ADCY8: variants seen among roughly 807,000 people sequenced by gnomAD.
The protein encoded by ADCY8 is adenylate cyclase 8, also known as adenylate cyclase type 8.
ADCY8 carries 51 observed loss-of-function variants against 119.7 expected under a neutral mutation model. That is an observed-to-expected ratio of 0.43 (90% CI 0.34 to 0.54). The LOEUF (loss-of-function observed/expected upper bound fraction) is 0.54. ADCY8 is among the 20% of genes least tolerant of loss of function. The pLI is 0.03. For synonymous variants in ADCY8, 665 were observed against 651.0 expected (o/e 1.02, Z -0.33); for missense variants, 1,383 against 1,598.8 (o/e 0.87, Z 2.30).
intron 8 of ADCY8, 56 bp downstream of exon 8, chr8:130,884,508 T>C (rs760852247): frequency 1.4e-4 from 218 of 1,584,186 alleles, no homozygotes; most frequent in Non-Finnish European, 1.5e-4. Context: ...TCTAGTCCCA[T>C]GAACATCTAC....
In ADCY8 at chr8:131,039,611, G is replaced by A. The variant is rs1443107309; in HGVS notation, c.723C>T (p.Tyr241=). 2 of 1,614,100 alleles carry A rather than the reference G, an allele frequency of 1.2e-6. No homozygotes were observed. Among genetic ancestry groups the A allele is most frequent in the African/African-American group, 1.3e-5 (1 of 75,060 alleles). The change falls in exon 1 of 18, where the codon TAC becomes TAT. Residue 241 remains tyrosine, a synonymous_variant. Coordinates refer to ENST00000286355, the MANE Select transcript of ADCY8 (RefSeq NM_001115.3). ...VVRKDTTSHT[Y]LQYSGVVTWV... ...AGGTGACCACGCCGCTGTACTGCAG[G>A]TACGTGTGGGAGGTGGTGTCCTTCC...
chr8:130,900,600 C>T (rs1819565170), intron 7 of ADCY8, among the ~76,000 whole-genome samples: 1 of 152,200 alleles, frequency 6.6e-6, no homozygotes, highest in Non-Finnish European at 1.5e-5. Flanking sequence ...TCTTAAAATG[C>T]CATACTCTAG....
At chr8:130,847,769 G>C (rs959315596) in intron 10 of ADCY8, among the ~76,000 whole-genome samples, 1 of 152,172 alleles carries the variant, frequency 6.6e-6, no homozygotes, top group Non-Finnish European at 1.5e-5. Flanking sequence ...AGTTTAGACT[G>C]CTCTGTTGGC....
At chr8:130,812,083 C>T (rs747521746) in intron 14 of ADCY8, among the ~76,000 whole-genome samples, 2 of 152,182 alleles carry the variant, frequency 1.3e-5, no homozygotes, top group Non-Finnish European at 2.9e-5. Context: ...ATCTTCTTCT[C>T]TCCATCTCCA....
intron 1 of ADCY8, among the ~76,000 whole-genome samples, chr8:131,037,484 T>C (rs1824193350): frequency 6.6e-6 from 1 of 152,228 alleles, no homozygotes; most frequent in Non-Finnish European, 1.5e-5. Flanking sequence ...TTCTAAATAC[T>C]ATTCCAAACT....
At chr8:130,970,371 T>C (rs1821888153) in intron 2 of ADCY8, among the ~76,000 whole-genome samples, 1 of 152,160 alleles carries the variant, frequency 6.6e-6, no homozygotes, top group Admixed American at 6.5e-5. Flanking sequence ...TGTGAGGGTG[T>C]AGGTTGCGTG....
intron 2 of ADCY8, among the ~76,000 whole-genome samples, chr8:130,972,425 A>G (rs1395982451): frequency 6.6e-6 from 1 of 152,226 alleles, no homozygotes; most frequent in Non-Finnish European, 1.5e-5. Flanking sequence ...CATACAGACA[A>G]TGAAACAGAT....
rs566465601 is a variant in ADCY8 at position 130,990,298 on chromosome 8, T to A, written c.1110+95A>T. 1.2e-5 allele frequency: 18 copies of A among 1,463,830 alleles called. No homozygotes were observed. The African/African-American group carries it at 2.5e-4, about 21-fold the overall frequency. The allele number at this position is 1,463,830 out of a possible 1,614,324, so 90.7% of individuals were successfully genotyped here. A position where few individuals can be genotyped will look rare whatever the true frequency, so the allele number is the denominator to read the frequency against. On this transcript the variant is annotated intron_variant, in intron 2 of 17. Coordinates refer to ENST00000286355, the MANE Select transcript of ADCY8 (RefSeq NM_001115.3). ...GACATAAACTTTAAGAGAACACTTT[T>A]AAGTCAGGACGTGTTTGGGAGTAAA...
chr8:130,862,983 T>C (rs1817993383), intron 9 of ADCY8, among the ~76,000 whole-genome samples: 1 of 152,238 alleles, frequency 6.6e-6, no homozygotes, highest in Non-Finnish European at 1.5e-5. Context: ...GAATAGTCTA[T>C]TAATATTGAT....
Position 130,839,735 on chromosome 8 carries a change from TA to T in ADCY8, c.2503-3287del, listed in dbSNP as rs1359286745. On this transcript the variant is annotated intron_variant, in intron 11 of 17. Transcript: ENST00000286355. ...GGCCCACAGCTCCTAAAGTGTCCCCTAAATGGATCCTGGGTATAAGGGGCTC... is the reference window on the plus strand; with the variant it reads ...GGCCCACAGCTCCTAAAGTGTCCCCTAATGGATCCTGGGTATAAGGGGCTC... Among the ~76,000 whole-genome samples the T allele has an allele frequency of 3.6e-5, 5 of 140,112 alleles. 1 individual carries two copies. The highest frequency in any genetic ancestry group is 1.2e-4 in the African/African-American group (5 of 40,896). 91.9% of individuals were successfully genotyped at this position (140,112 alleles called of 152,430 possible).
chr8:130,961,315 G>T (rs562101488), intron 2 of ADCY8, among the ~76,000 whole-genome samples: 11 of 152,072 alleles, frequency 7.2e-5, no homozygotes, highest in African/African-American at 2.4e-4. Flanking sequence ...TCATCATGCT[G>T]GCCAGGCTAG....
intron 17 of ADCY8, among the ~76,000 whole-genome samples, chr8:130,782,821 T>C (rs924054891): frequency 6.6e-6 from 1 of 152,234 alleles, no homozygotes; most frequent in Non-Finnish European, 1.5e-5. Flanking sequence ...CCTGTTTTTC[T>C]TGAAAGCTGC....
At chr8:130,925,798 C>T (rs113599795) in intron 5 of ADCY8, among the ~76,000 whole-genome samples, 6,056 of 152,288 alleles carry the variant, frequency 0.04, 145 homozygotes, top group Non-Finnish European at 0.059. Context: ...ACTCTTGGAA[C>T]TCAGCTTTGA....
At position 130,990,473 on chromosome 8, in the gene ADCY8, G is replaced by T. The variant is rs1822541244; in HGVS notation, c.1030C>A (p.Arg344=). ...AGIFISYLSD[R]AQRQAFLETR... is the part of the protein sequence containing the mutation. The stretch of plus-strand genomic sequence containing the variant: ...TCCAGGAAAGCTTGGCGCTGGGCCC[G>T]GTCTGACAGGTAACTGATGAAGATT... Residue 344 remains arginine (R), a synonymous_variant, in exon 2 of 18, where the codon CGG becomes AGG. Coordinates refer to ENST00000286355, the MANE Select transcript of ADCY8 (RefSeq NM_001115.3). 1.9e-6 allele frequency: 3 copies of T among 1,614,178 alleles called. No homozygotes were observed. Among genetic ancestry groups the T allele is most frequent in the Middle Eastern group, 3.3e-4 (2 of 6,058 alleles).
At chr8:130,914,323 C>T (rs1173404573) in intron 5 of ADCY8, among the ~76,000 whole-genome samples, 2 of 152,154 alleles carry the variant, frequency 1.3e-5, no homozygotes, top group Non-Finnish European at 2.9e-5. Context: ...TGGTGAGAGA[C>T]TACTAAACAG....
intron 11 of ADCY8, among the ~76,000 whole-genome samples, chr8:130,846,890 T>TTCCTTCCTGCCTGCCTGCCTGCCTG (rs1563689847): frequency 3.8e-5 from 1 of 25,980 alleles, no homozygotes; most frequent in African/African-American, 1.4e-4. Flanking sequence ...CCCTTCCCTT[T>TTCCTTCCTGCCTGCCTGCCTGCCTG]CCTTCCTTCC....
intron 6 of ADCY8, 141 bp from the exon 7 acceptor site, chr8:130,904,183 T>A: frequency 1.2e-6 from 1 of 849,714 alleles, no homozygotes; most frequent in Non-Finnish European, 1.8e-6. Flanking sequence ...CTTGTCTTCC[T>A]AAAAAGTAGA....
chr8:130,922,340 G>A (rs1820336790), intron 5 of ADCY8, among the ~76,000 whole-genome samples: 2 of 151,050 alleles, frequency 1.3e-5, no homozygotes, highest in African/African-American at 4.9e-5. Flanking sequence ...GGTTTTCCTA[G>A]GCAGAGGACC....
At chr8:130,974,451 G>T (rs534892931) in intron 2 of ADCY8, among the ~76,000 whole-genome samples, 6 of 152,302 alleles carry the variant, frequency 3.9e-5, no homozygotes, top group Non-Finnish European at 8.8e-5. Context: ...TGACACATTT[G>T]TGAGCTTGAA....
Sources: gnomAD v4.1 joint callset for allele counts (sites outside exome capture counted in the v4.1 genomes callset) on GRCh38, gnomAD v4.1.1 for gene constraint, MANE v1.5 for transcripts, NCBI Gene and HGNC (gene_info 2026-07-23, HGNC 2026-07-21) for gene names.